The following ELOVL4 variants were observed in gnomAD, a reference collection of about 807,000 sequenced individuals.
The protein encoded by ELOVL4 is ELOVL fatty acid elongase 4.
ELOVL4 carries 18 observed loss-of-function variants against 42.1 expected under a neutral mutation model. The observed-to-expected ratio is 0.43, with a 90% confidence interval of 0.30 to 0.63. The LOEUF is 0.63. Ranked by LOEUF, ELOVL4 falls within the 30% of genes least tolerant of loss-of-function variation. The pLI is 0.15. For missense variants in ELOVL4, 299 were observed against 376.2 expected, an observed-to-expected ratio of 0.79 and a Z score of 1.70; for synonymous variants, 117 against 127.0, an observed-to-expected ratio of 0.92 and a Z score of 0.53.
chr6:79,920,448 C>A (rs1774234157), intron 4 of ELOVL4, among the ~76,000 whole-genome samples: 1 of 152,148 alleles, frequency 6.6e-6, no homozygotes, highest in Non-Finnish European at 1.5e-5. Flanking sequence ...TAAGAACCAA[C>A]AAGACCTATA....
chr6:79,931,075 T>C (rs1301783182), intron 1 of ELOVL4, among the ~76,000 whole-genome samples: 1 of 152,208 alleles, frequency 6.6e-6, no homozygotes, highest in Non-Finnish European at 1.5e-5. Flanking sequence ...AATTTCTCTT[T>C]AGAAAGTTTT....
chr6:79,917,567 C>T (rs1479918139), intron 5 of ELOVL4, among the ~76,000 whole-genome samples: 1 of 152,180 alleles, frequency 6.6e-6, no homozygotes, highest in Non-Finnish European at 1.5e-5. Flanking sequence ...TGCCTGCAAT[C>T]CCAGCACTCT....
rs1399239991 is a variant in ELOVL4 at position 79,916,749 on chromosome 6, C to T, written c.804G>A (p.Arg268=). 1.2e-6 allele frequency: 2 copies of T among 1,613,988 alleles called. No individual in the cohort carries two copies. The highest frequency in any genetic ancestry group is 1.7e-5 in the Admixed American group (1 of 59,992). Residue 268 remains arginine (R), a synonymous_variant, in exon 6 of 6, where the codon CGG becomes CGA. Coordinates refer to ENST00000369816, the MANE Select transcript of ELOVL4 (RefSeq NM_022726.4). Reference sequence around the variant, plus strand: ...TTGGTTTCTTAGGCTCTTTGTATGTCCGAATGTAGAAGTTAAGAAAGAGAA... The same window carrying T: ...TTGGTTTCTTAGGCTCTTTGTATGTTCGAATGTAGAAGTTAAGAAAGAGAA... ...FIFLFLNFYI[R]TYKEPKKPKA...
chr6:79,940,441 G>A (rs750852310), intron 1 of ELOVL4, among the ~76,000 whole-genome samples: 4 of 151,972 alleles, frequency 2.6e-5, no homozygotes, highest in Non-Finnish European at 5.9e-5. Flanking sequence ...TTTCTCTTCT[G>A]TAAGACCTAC....
At chr6:79,919,905 A>C (rs1774223486) in intron 4 of ELOVL4, among the ~76,000 whole-genome samples, 1 of 152,182 alleles carries the variant, frequency 6.6e-6, no homozygotes, top group South Asian at 2.1e-4. Context: ...GTGCCAATAT[A>C]TATATCTGCA....
chr6:79,922,874 T>C (rs1330100077), intron 3 of ELOVL4, among the ~76,000 whole-genome samples: 3 of 152,156 alleles, frequency 2.0e-5, no homozygotes, highest in Non-Finnish European at 2.9e-5. Context: ...ATTTACAAAC[T>C]GAGAATTATT....
intron 1 of ELOVL4, among the ~76,000 whole-genome samples, chr6:79,941,856 T>C (rs1409376112): frequency 6.6e-6 from 1 of 152,174 alleles, no homozygotes; most frequent in Non-Finnish European, 1.5e-5. Flanking sequence ...ATCTCTGATG[T>C]TGGAGAGAAA....
At chr6:79,924,862 TAA>T in intron 3 of ELOVL4, 88 bp downstream of exon 3, 1 of 842,132 alleles carries the variant, frequency 1.2e-6, no homozygotes, top group Non-Finnish European at 2.0e-6. Context: ...AACTGTCTCT[TAA>T]AAAAAAGTAC....
intron 5 of ELOVL4, among the ~76,000 whole-genome samples, chr6:79,917,916 G>C (rs343617): frequency 0.072 from 10,878 of 151,986 alleles, 1,263 homozygotes; most frequent in African/African-American, 0.25. Flanking sequence ...TTTTTAAAAG[G>C]AAAAAAGCCC....
intron 1 of ELOVL4, among the ~76,000 whole-genome samples, chr6:79,935,548 A>ATTTAT (rs1260221607): frequency 6.6e-6 from 1 of 152,124 alleles, no homozygotes; most frequent in Non-Finnish European, 1.5e-5. Flanking sequence ...TAGCTCTGTC[A>ATTTAT]TTTATTTTCT....
At chr6:79,939,257 A>C (rs1774599540) in intron 1 of ELOVL4, among the ~76,000 whole-genome samples, 1 of 152,128 alleles carries the variant, frequency 6.6e-6, no homozygotes, top group African/African-American at 2.4e-5. Flanking sequence ...TAATGTATTA[A>C]TTTTATAATA....
At chr6:79,919,816 G>C (rs1285283607) in intron 4 of ELOVL4, among the ~76,000 whole-genome samples, 1 of 152,092 alleles carries the variant, frequency 6.6e-6, no homozygotes, top group Non-Finnish European at 1.5e-5. Flanking sequence ...TTTTCAAATG[G>C]AGTACTCCAG....
chr6:79,928,184 C>G (rs1774376236), intron 1 of ELOVL4, among the ~76,000 whole-genome samples: 1 of 152,070 alleles, frequency 6.6e-6, no homozygotes, highest in South Asian at 2.1e-4. Flanking sequence ...TGTTCTAGGT[C>G]ACAGAGAAGG....
At chr6:79,938,930 C>T (rs930578363) in intron 1 of ELOVL4, among the ~76,000 whole-genome samples, 2 of 152,202 alleles carry the variant, frequency 1.3e-5, no homozygotes, top group Non-Finnish European at 2.9e-5. Flanking sequence ...ACAACCCATG[C>T]ACATTCATTT....
chr6:79,936,942 C>T (rs1774554032), intron 1 of ELOVL4, among the ~76,000 whole-genome samples: 4 of 152,146 alleles, frequency 2.6e-5, no homozygotes, highest in African/African-American at 9.7e-5. Context: ...GTTCTAACCC[C>T]TATGTACTCA....
At position 79,914,979 on chromosome 6, in the gene ELOVL4, T is replaced by C. The variant is rs1265629683; in HGVS notation, c.*1629A>G. 6.6e-6 allele frequency: 1 copy of C among 152,586 alleles called. No individual in the cohort carries two copies. Among genetic ancestry groups the C allele is most frequent in the Non-Finnish European group, 1.5e-5 (1 of 67,984 alleles). 9.5% of individuals were successfully genotyped at this position (152,586 alleles called of 1,614,324 possible). On this transcript the variant is annotated 3_prime_UTR_variant, in exon 6 of 6. Coordinates refer to ENST00000369816, the MANE Select transcript of ELOVL4 (RefSeq NM_022726.4). ...AATCCTCTTAGATCAAACTACTTTA[T>C]ATGTTGCAAATTTTCTGTAATTCTC... is the stretch of plus-strand genomic sequence containing the variant.
intron 1 of ELOVL4, among the ~76,000 whole-genome samples, chr6:79,943,615 G>A (rs1774684243): frequency 6.6e-6 from 1 of 152,130 alleles, no homozygotes; most frequent in Non-Finnish European, 1.5e-5. Context: ...AGATCACACT[G>A]CCTCCAGACC....
At chr6:79,932,136 T>G (rs1193058170) in intron 1 of ELOVL4, among the ~76,000 whole-genome samples, 2 of 152,192 alleles carry the variant, frequency 1.3e-5, no homozygotes, top group African/African-American at 4.8e-5. Context: ...ATCATACAAT[T>G]TTATCTTTAT....
In ELOVL4 at chr6:79,915,789, T is replaced by C. The variant is rs1008131780; in HGVS notation, c.*819A>G. ...TTCTAACAGCACATAAATGTAACTA[T>C]CTTATGATGTTACTAATAAAGACAT... On this transcript the variant is annotated 3_prime_UTR_variant, in exon 6 of 6. Transcript: ENST00000369816. 1 of 151,356 alleles carries C rather than the reference T, an allele frequency of 6.6e-6. No individual in the cohort carries two copies. Among genetic ancestry groups the C allele is most frequent in the Non-Finnish European group, 1.5e-5 (1 of 67,858 alleles). 9.4% of individuals were successfully genotyped at this position (151,356 alleles called of 1,614,324 possible). A position where few individuals can be genotyped will look rare whatever the true frequency, so the allele number is the denominator to read the frequency against.
Sources: gnomAD v4.1 joint callset for allele counts (sites outside exome capture counted in the v4.1 genomes callset) on GRCh38, gnomAD v4.1.1 for gene constraint, MANE v1.5 for transcripts, NCBI Gene and HGNC (gene_info 2026-07-23, HGNC 2026-07-21) for gene names.